The following MYBPHL variants were observed in gnomAD, a reference collection of about 807,000 sequenced individuals.
The protein encoded by MYBPHL is myosin binding protein H like.
MYBPHL carries 32 observed loss-of-function variants against 39.5 expected under a neutral mutation model. The ratio of observed to expected loss-of-function variants is 0.81; its 90% CI spans 0.61 to 1.09. The LOEUF is 1.09. Among genes scored for constraint, MYBPHL ranks in the 50% least tolerant of loss-of-function variants. The pLI is 0.00. For synonymous variants in MYBPHL, 196 were observed against 183.7 expected, an observed-to-expected ratio of 1.07 and a Z score of -0.54; for missense variants, 456 against 460.2, an observed-to-expected ratio of 0.99 and a Z score of 0.08.
chr1:109,293,920 C>CTA (rs1657959571), intron 8 of MYBPHL, among the ~76,000 whole-genome samples: 3 of 151,832 alleles, frequency 2.0e-5, no homozygotes, highest in Admixed American at 2.0e-4. Context: ...AAAAATTAGC[C>CTA]GGGCATGGTG....
intron 1 of MYBPHL, among the ~76,000 whole-genome samples, chr1:109,301,670 G>A (rs1658284519): frequency 6.6e-6 from 1 of 151,870 alleles, no homozygotes; most frequent in Non-Finnish European, 1.5e-5. Context: ...GAACCTGGGA[G>A]GCAGAGGTTG....
At chr1:109,294,317 A>G (rs1476413233) in intron 7 of MYBPHL, 68 bp from the exon 8 acceptor site, 3 of 1,445,048 alleles carry the variant, frequency 2.1e-6, no homozygotes, top group African/African-American at 1.4e-5. Flanking sequence ...CTTTCAGAGC[A>G]TTAGAAAGGA....
intron 1 of MYBPHL, among the ~76,000 whole-genome samples, chr1:109,302,446 C>CA (rs1318733485): frequency 6.6e-6 from 1 of 152,112 alleles, no homozygotes; most frequent in Non-Finnish European, 1.5e-5. Flanking sequence ...AATAAAAGGA[C>CA]ATAGGAACAG....
At chr1:109,297,693 C>T in intron 2 of MYBPHL, 76 bp from the exon 3 acceptor site, 1 of 1,339,314 alleles carries the variant, frequency 7.5e-7, no homozygotes, top group Non-Finnish European at 1.0e-6. Context: ...GGGTCCTGTC[C>T]ACCCCAGGTC....
chr1:109,303,053 G>C (rs912756273), intron 1 of MYBPHL, among the ~76,000 whole-genome samples: 4 of 152,188 alleles, frequency 2.6e-5, no homozygotes, highest in Non-Finnish European at 1.5e-5. Context: ...TGGGTCCTTG[G>C]ATTACCACAT....
rs545205280 is a variant in MYBPHL, at chr1:109,297,217, C to T, written c.431-28G>A. 70 of 1,614,102 alleles carry T rather than the reference C, an allele frequency of 4.3e-5. 1 individual carries two copies. Among genetic ancestry groups the T allele is most frequent in the South Asian group, 2.4e-4 (22 of 91,080 alleles). On this transcript the variant is annotated intron_variant, in intron 3 of 8. Coordinates refer to ENST00000357155, the MANE Select transcript of MYBPHL (RefSeq NM_001010985.3). ...GAAAGGGCAAAGCCATGGCAGTGGG[C>T]GTGGAACATCCCACATGCATTGAAG...
rs1657971988 is a variant in MYBPHL at position 109,294,189 on chromosome 1, T to C, written c.*33+17A>G. Reference sequence around the variant, plus strand: ...CAGGAAGTAATCCAGTGAGACATCTTGCCTCTCTTTACTTACCTTTGTCAG... The same window carrying C: ...CAGGAAGTAATCCAGTGAGACATCTCGCCTCTCTTTACTTACCTTTGTCAG... On this transcript the variant is annotated intron_variant, in intron 8 of 8. Transcript: ENST00000357155. 2 of 1,504,910 alleles carry C rather than the reference T, an allele frequency of 1.3e-6. No homozygotes were observed. 93.2% of individuals were successfully genotyped at this position (1,504,910 alleles called of 1,614,324 possible). A position where few individuals can be genotyped will look rare whatever the true frequency, so the allele number is the denominator to read the frequency against.
intron 2 of MYBPHL, 74 bp downstream of exon 2, chr1:109,298,095 C>A: frequency 7.8e-7 from 1 of 1,281,156 alleles, no homozygotes; most frequent in South Asian, 1.3e-5. Flanking sequence ...TAGCAGGACT[C>A]TTGGTATCTG....
intron 1 of MYBPHL, among the ~76,000 whole-genome samples, chr1:109,303,769 G>C (rs556830385): frequency 4.9e-4 from 75 of 152,082 alleles, no homozygotes; most frequent in Non-Finnish European, 9.3e-4. Flanking sequence ...TCCCTGCACT[G>C]GCTGGCTGGC....
intron 2 of MYBPHL, among the ~76,000 whole-genome samples, 164 bp downstream of exon 2, chr1:109,298,005 A>G (rs982247463): frequency 2.6e-5 from 4 of 152,240 alleles, no homozygotes; most frequent in African/African-American, 9.6e-5. Context: ...ACCCACCTTC[A>G]GGAGTGCAGA....
chr1:109,300,390 C>T (rs2101481927), intron 1 of MYBPHL, among the ~76,000 whole-genome samples: 1 of 152,218 alleles, frequency 6.6e-6, no homozygotes, highest in Admixed American at 6.5e-5. Flanking sequence ...GGGAGGAGGC[C>T]CAGAGGGAAG....
intron 7 of MYBPHL, among the ~76,000 whole-genome samples, chr1:109,294,742 T>G (rs923337821): frequency 1.3e-5 from 2 of 152,132 alleles, no homozygotes; most frequent in Admixed American, 1.3e-4. Context: ...GTCAGAAGAT[T>G]GCACAGCATA....
intron 1 of MYBPHL, among the ~76,000 whole-genome samples, chr1:109,303,119 G>A (rs1171668556): frequency 6.6e-6 from 1 of 152,194 alleles, no homozygotes; most frequent in African/African-American, 2.4e-5. Context: ...AGAAATAGAT[G>A]TATGTCATTC....
chr1:109,304,530 T>C (rs912480489), intron 1 of MYBPHL, among the ~76,000 whole-genome samples: 30 of 152,130 alleles, frequency 2.0e-4, no homozygotes, highest in Non-Finnish European at 3.4e-4. Flanking sequence ...GAATGCTTCT[T>C]CCAGGAGAGC....
intron 6 of MYBPHL, among the ~76,000 whole-genome samples, chr1:109,295,918 A>G (rs1196470788): frequency 1.3e-5 from 2 of 152,214 alleles, no homozygotes; most frequent in Non-Finnish European, 1.5e-5. Context: ...TGAGGTATGC[A>G]TGGGAAGGAG....
intron 1 of MYBPHL, among the ~76,000 whole-genome samples, chr1:109,298,864 C>T (rs542262483): frequency 1.3e-5 from 2 of 152,250 alleles, no homozygotes; most frequent in African/African-American, 4.8e-5. Context: ...CAGTCTTCTT[C>T]CAGTTTGCAG....
chr1:109,296,850 A>C lies in MYBPHL; in HGVS notation c.663T>G (p.Ala221=), dbSNP rs1658087258. The C allele has an allele frequency of 2.5e-6, 4 of 1,614,154 alleles. No individual in the cohort carries two copies. Among genetic ancestry groups the C allele is most frequent in the Non-Finnish European group, 3.4e-6 (4 of 1,180,030 alleles). The part of the protein sequence containing the change: ...IGNSYAFRVF[A]ENQCGLSETA... Reference sequence around the variant, plus strand: ...TTTCACTGAGTCCGCACTGGTTTTCAGCAAAGACACGGAAGGCATAGGAGT... The same window carrying C: ...TTTCACTGAGTCCGCACTGGTTTTCCGCAAAGACACGGAAGGCATAGGAGT... The change falls in exon 5 of 9, where the codon GCT becomes GCG. Residue 221 remains alanine, a synonymous_variant. Transcript: ENST00000357155.
intron 1 of MYBPHL, among the ~76,000 whole-genome samples, chr1:109,302,297 G>T (rs560249796): frequency 3.9e-5 from 6 of 152,082 alleles, no homozygotes; most frequent in African/African-American, 1.4e-4. Flanking sequence ...AAGAAGTACC[G>T]GGATTTCTTA....
rs183846230 is a variant in MYBPHL at position 109,297,535 on chromosome 1, T to G, written c.317A>C (p.Gln106Pro). Residue 106 changes from glutamine to proline, a missense_variant, in exon 3 of 9, where the codon CAA becomes CCA. Physicochemically the swap from Gln to Pro is moderately conservative, Grantham distance 76. Transcript: ENST00000357155. ...TTCTCGGATGAAGAGGATGGAGTCT[T>G]GCTCCCCATTCCGCACACTCACACG... ...TRRVSVRNGEQDSILFIREAQ... is the reference protein window; with the variant it reads ...TRRVSVRNGEPDSILFIREAQ... 5.0e-6 allele frequency: 8 copies of G among 1,613,892 alleles called. No individual in the cohort carries two copies. The highest frequency in any genetic ancestry group is 1.7e-6 in the Non-Finnish European group (2 of 1,180,032).
Sources: gnomAD v4.1 joint callset for allele counts (sites outside exome capture counted in the v4.1 genomes callset) on GRCh38, gnomAD v4.1.1 for gene constraint, MANE v1.5 for transcripts, NCBI Gene and HGNC (gene_info 2026-07-23, HGNC 2026-07-21) for gene names.